Variants in AMIGO3 observed in about 807,000 individuals in gnomAD.
AMIGO3 encodes adhesion molecule with Ig like domain 3.
In AMIGO3, 6 loss-of-function variants were observed where a neutral mutation model predicts 4.3. That is an observed-to-expected ratio of 1.39 (90% CI 0.76 to 2.75). The LOEUF is 2.75. AMIGO3 is among the 30% of genes most tolerant of loss of function. The pLI is 0.00. For synonymous variants in AMIGO3, 315 were observed against 320.0 expected (o/e 0.98, Z 0.17); for missense variants, 771 against 692.1 (o/e 1.11, Z -1.28).
In AMIGO3 at chr3:49,718,242, G is replaced by A; in HGVS notation, c.1224C>T (p.Arg408=). ...GGCAGCGGCAGGCACGGCGGCAGCA[G>A]CGGCAGGGTGGGGCGAACAGGTAGA... The part of the protein sequence containing the change: ...VLLYLFAPPC[R]CCRRACRCRR... The change falls in exon 1 of 1, where the codon CGC becomes CGT. Residue 408 remains arginine, a synonymous_variant. Transcript: ENST00000320431. 6.2e-7 allele frequency: 1 copy of A among 1,612,092 alleles called. No homozygotes were observed. Among genetic ancestry groups the A allele is most frequent in the Non-Finnish European group, 8.5e-7 (1 of 1,179,462 alleles).
Position 49,717,939 on chromosome 3 carries a change from G to C in AMIGO3, c.*12C>G, listed in dbSNP as rs540461871. On this transcript the variant is annotated 3_prime_UTR_variant, in exon 1 of 1. Coordinates refer to ENST00000320431, the MANE Select transcript of AMIGO3 (RefSeq NM_198722.3). ...AGAGGGTGGGGGCCTGGGTGGGGGAGCCCTGGGCAGTCTAGGTTGTCATGG... is the reference window on the plus strand; with the variant it reads ...AGAGGGTGGGGGCCTGGGTGGGGGACCCCTGGGCAGTCTAGGTTGTCATGG... The C allele has an allele frequency of 1.2e-6, 2 of 1,606,182 alleles. No homozygotes were observed. The highest frequency in any genetic ancestry group is 2.2e-5 in the East Asian group (1 of 44,792).
Position 49,719,402 on chromosome 3 carries a change from C to T in AMIGO3, c.64G>A (p.Asp22Asn). ...GCACGGGGCGGGAAACCCTCGGAGT[C>T]CGGGGTGCCTAACCCAACGCGCAGC... ...CMLRVGLGTP[D>N]SEGFPPRALH... Residue 22 changes from aspartate (D) to asparagine (N), a missense_variant, in exon 1 of 1, where the codon GAC becomes AAC. Coordinates refer to ENST00000320431, the MANE Select transcript of AMIGO3 (RefSeq NM_198722.3). 11 of 1,613,632 alleles carry T rather than the reference C, an allele frequency of 6.8e-6. No individual in the cohort carries two copies. The highest frequency in any genetic ancestry group is 9.3e-6 in the Non-Finnish European group (11 of 1,180,032).
Position 49,717,859 on chromosome 3 carries a change from T to G in AMIGO3, c.*92A>C. ...AAGCTGGGGGGCCAGGCACAGTGCT[T>G]CCCACCAGTATCTGCCAGTTCTCTG... On this transcript the variant is annotated 3_prime_UTR_variant, in exon 1 of 1. Transcript: ENST00000320431. 7.2e-7 allele frequency: 1 copy of G among 1,392,460 alleles called. No homozygotes were observed. Among genetic ancestry groups the G allele is most frequent in the Non-Finnish European group, 9.7e-7 (1 of 1,028,218 alleles). 86.3% of individuals were successfully genotyped at this position (1,392,460 alleles called of 1,614,324 possible).
rs34810303 is a variant in AMIGO3 at position 49,718,533 on chromosome 3, C to T, written c.933G>A (p.Trp311Ter). Residue 311 changes from tryptophan (W) to a stop codon, truncating the protein, a stop_gained, in exon 1 of 1, where the codon TGG becomes TGA. Transcript: ENST00000320431. LOFTEE classifies it low-confidence loss of function (END_TRUNC). The stretch of plus-strand genomic sequence containing the variant: ...TGAGAAGCTCCTGCTGCGGCGAAAC[C>T]CAGGCAATGCGCATGGCCGGGACGC... ...NTSVPAMRIA[W>*]VSPQQELLRA... 4 of 1,613,066 alleles carry T rather than the reference C, an allele frequency of 2.5e-6. No individual in the cohort carries two copies. The highest frequency in any genetic ancestry group is 1.6e-4 in the Middle Eastern group (1 of 6,076).
At position 49,718,251 on chromosome 3, in the gene AMIGO3, TGGG is replaced by T; in HGVS notation, c.1212_1214del (p.Pro406del). On this transcript the variant is annotated inframe_deletion, in exon 1 of 1. Coordinates refer to ENST00000320431, the MANE Select transcript of AMIGO3 (RefSeq NM_198722.3). ...AGGCACGGCGGCAGCAGCGGCAGGG[TGGG>T]GCGAACAGGTAGAGCAGCACGAGCA... The T allele has an allele frequency of 3.1e-6, 5 of 1,608,370 alleles. No individual in the cohort carries two copies. The highest frequency in any genetic ancestry group is 4.2e-6 in the Non-Finnish European group (5 of 1,178,736).
Position 49,716,848 on chromosome 3 carries a change from C to A in AMIGO3, c.*1103G>T. 1 of 208,886 alleles carries A rather than the reference C, an allele frequency of 4.8e-6. No individual in the cohort carries two copies. Among genetic ancestry groups the A allele is most frequent in the Non-Finnish European group, 9.8e-6 (1 of 101,932 alleles). The allele number at this position is 208,886 out of a possible 1,614,324, so 12.9% of individuals were successfully genotyped here. A position where few individuals can be genotyped will look rare whatever the true frequency, so the allele number is the denominator to read the frequency against. ...CCGCCATTGTCTGCAAAGGCTCTAG[C>A]AATAAGCATGTGCTACCTTTATTAA... On this transcript the variant is annotated 3_prime_UTR_variant, in exon 1 of 1. Coordinates refer to ENST00000320431, the MANE Select transcript of AMIGO3 (RefSeq NM_198722.3).
At position 49,719,352 on chromosome 3, in the gene AMIGO3, A is replaced by G. The variant is rs185704507; in HGVS notation, c.114T>C (p.Cys38=). 23 of 1,613,486 alleles carry G rather than the reference A, an allele frequency of 1.4e-5. No homozygotes were observed. Among genetic ancestry groups the G allele is most frequent in the Middle Eastern group, 3.4e-4 (2 of 5,822 alleles). Residue 38 remains cysteine, a synonymous_variant, in exon 1 of 1, where the codon TGT becomes TGC. Coordinates refer to ENST00000320431, the MANE Select transcript of AMIGO3 (RefSeq NM_198722.3). The stretch of plus-strand genomic sequence containing the variant: ...AGCTTAGCAGGTCGGCAGCGCAGAT[A>G]CATTTGTAGGGGCAGTTGTGGAGCG... The part of the protein sequence containing the change: ...PRALHNCPYK[C]ICAADLLSCT...
chr3:49,718,188 G>C lies in AMIGO3; in HGVS notation c.1278C>G (p.Leu426=). Reference sequence around the variant, plus strand: ...CTGAGGACTGTGCGCTCAGCTCTTGGAGCGGGCTGGGTGTTTGGGGCCAGC... The same window carrying C: ...CTGAGGACTGTGCGCTCAGCTCTTGCAGCGGGCTGGGTGTTTGGGGCCAGC... ...CRRWPQTPSP[L]QELSAQSSVL... Residue 426 remains leucine, a synonymous_variant, in exon 1 of 1, where the codon CTC becomes CTG. Transcript: ENST00000320431. 1.2e-6 allele frequency: 2 copies of C among 1,613,072 alleles called. No homozygotes were observed. The highest frequency in any genetic ancestry group is 1.7e-6 in the Non-Finnish European group (2 of 1,179,942).
chr3:49,719,497 C>T lies in AMIGO3; in HGVS notation c.-32G>A, dbSNP rs371862537. 5 of 1,558,052 alleles carry T rather than the reference C, an allele frequency of 3.2e-6. No homozygotes were observed. The highest frequency in any genetic ancestry group is 1.8e-5 in the Admixed American group (1 of 54,274). ...GACCACCAGGGACAGTACAGAGCAG[C>T]TCTGTGCAGGTTGCAGTTCCAGGAC... On this transcript the variant is annotated 5_prime_UTR_variant, in exon 1 of 1. Transcript: ENST00000320431.
In AMIGO3 at chr3:49,719,462, TCATGGCGGCGAC is replaced by T. The variant is rs1180850418; in HGVS notation, c.-9_3del. 2 of 1,610,176 alleles carry T rather than the reference TCATGGCGGCGAC, an allele frequency of 1.2e-6. No individual in the cohort carries two copies. The highest frequency in any genetic ancestry group is 1.7e-6 in the Non-Finnish European group (2 of 1,178,564). ...AGTGTCCCCAGCAGCACCAACCAGG[TCATGGCGGCGAC>T]CACCAGGGACAGTACAGAGCAGCTC... On this transcript the variant is annotated start_lost and 5_prime_UTR_variant, in exon 1 of 1. Transcript: ENST00000320431.
rs1238757379 is a variant in AMIGO3, at chr3:49,718,310, T to C, written c.1156A>G (p.Thr386Ala). ...PEPEAFNTGF[T>A]TLLGCAVGLV... ...CCCACGGCACAGCCCAGCAGTGTGG[T>C]GAAGCCTGTGTTGAAAGCCTCGGGC... Residue 386 changes from threonine (T) to alanine (A), a missense_variant, in exon 1 of 1, where the codon ACC becomes GCC. By Grantham distance (58) the Thr-to-Ala change is moderately conservative. Transcript: ENST00000320431. 1.9e-6 allele frequency: 3 copies of C among 1,613,086 alleles called. No individual in the cohort carries two copies.
In AMIGO3 at chr3:49,717,165, CTG is replaced by C. The variant is rs1167309453; in HGVS notation, c.*784_*785del. 2.0e-5 allele frequency: 3 copies of C among 153,488 alleles called. No homozygotes were observed. The highest frequency in any genetic ancestry group is 7.2e-5 in the African/African-American group (3 of 41,592). 9.5% of individuals were successfully genotyped at this position (153,488 alleles called of 1,614,324 possible). A position where few individuals can be genotyped will look rare whatever the true frequency, so the allele number is the denominator to read the frequency against. Reference sequence around the variant, plus strand: ...GGGGTGCAGGCCATGATCCCCTTCACTGTGTCTTGTGAGCCCACAGAATGGGC... The same window carrying C: ...GGGGTGCAGGCCATGATCCCCTTCACTGTCTTGTGAGCCCACAGAATGGGC... On this transcript the variant is annotated 3_prime_UTR_variant, in exon 1 of 1. Transcript: ENST00000320431.
rs567942433 is a variant in AMIGO3, at chr3:49,719,584, G to T, written c.-119C>A. The T allele has an allele frequency of 3.3e-6, 3 of 912,742 alleles. No homozygotes were observed. The African/African-American group carries it at 5.1e-5, about 15-fold the overall frequency. The allele number at this position is 912,742 out of a possible 1,614,324, so 56.5% of individuals were successfully genotyped here. A position where few individuals can be genotyped will look rare whatever the true frequency, so the allele number is the denominator to read the frequency against. On this transcript the variant is annotated 5_prime_UTR_variant, in exon 1 of 1. Transcript: ENST00000320431. Reference sequence around the variant, plus strand: ...CGGATGGCCCTTGCCGAGGAGGCACGGCGGGTTCTTGCCAGCCGACGGCCC... The same window carrying T: ...CGGATGGCCCTTGCCGAGGAGGCACTGCGGGTTCTTGCCAGCCGACGGCCC...
Position 49,717,866 on chromosome 3 carries a change from A to T in AMIGO3, c.*85T>A. On this transcript the variant is annotated 3_prime_UTR_variant, in exon 1 of 1. Transcript: ENST00000320431. The stretch of plus-strand genomic sequence containing the variant: ...GGGGCCAGGCACAGTGCTTCCCACC[A>T]GTATCTGCCAGTTCTCTGGACCGAA... The T allele has an allele frequency of 1.4e-6, 2 of 1,428,520 alleles. No homozygotes were observed. Among genetic ancestry groups the T allele is most frequent in the Non-Finnish European group, 9.4e-7 (1 of 1,058,380 alleles). The allele number at this position is 1,428,520 out of a possible 1,614,324, so 88.5% of individuals were successfully genotyped here.
Position 49,719,640 on chromosome 3 carries a change from T to C in AMIGO3, c.-175A>G, listed in dbSNP as rs558600304. 1 of 602,996 alleles carries C rather than the reference T, an allele frequency of 1.7e-6. No individual in the cohort carries two copies. Among genetic ancestry groups the C allele is most frequent in the South Asian group, 2.1e-5 (1 of 46,928 alleles). 37.4% of individuals were successfully genotyped at this position (602,996 alleles called of 1,614,324 possible). ...CTCCGGTTCCCAGGTTGTGAGGCGGTGCGGCACTCTTAGCCGCGCTCCCTT... is the reference window on the plus strand; with the variant it reads ...CTCCGGTTCCCAGGTTGTGAGGCGGCGCGGCACTCTTAGCCGCGCTCCCTT... On this transcript the variant is annotated 5_prime_UTR_variant, in exon 1 of 1. Transcript: ENST00000320431.
Position 49,718,227 on chromosome 3 carries a change from G to A in AMIGO3, c.1239C>T (p.Ala413=), listed in dbSNP as rs1332693005. 1.9e-6 allele frequency: 3 copies of A among 1,611,766 alleles called. No homozygotes were observed. The highest frequency in any genetic ancestry group is 2.5e-6 in the Non-Finnish European group (3 of 1,179,470). Reference sequence around the variant, plus strand: ...TTTGGGGCCAGCGGCGGCAGCGGCAGGCACGGCGGCAGCAGCGGCAGGGTG... The same window carrying A: ...TTTGGGGCCAGCGGCGGCAGCGGCAAGCACGGCGGCAGCAGCGGCAGGGTG... ...FAPPCRCCRR[A]CRCRRWPQTP... The change falls in exon 1 of 1, where the codon GCC becomes GCT. Residue 413 remains alanine, a synonymous_variant. Coordinates refer to ENST00000320431, the MANE Select transcript of AMIGO3 (RefSeq NM_198722.3).
chr3:49,718,208 G>A lies in AMIGO3; in HGVS notation c.1258C>T (p.Pro420Ser). ...TCTTGGAGCGGGCTGGGTGTTTGGG[G>A]CCAGCGGCGGCAGCGGCAGGCACGG... ...CRRACRCRRW[P>S]QTPSPLQELS... Residue 420 changes from proline to serine, a missense_variant, in exon 1 of 1, where the codon CCC (proline) becomes TCC (serine). Pro to Ser is a moderately conservative substitution (Grantham distance 74). Transcript: ENST00000320431. The A allele has an allele frequency of 6.2e-7, 1 of 1,612,382 alleles. No individual in the cohort carries two copies. The highest frequency in any genetic ancestry group is 8.5e-7 in the Non-Finnish European group (1 of 1,179,572).
chr3:49,718,588 C>A lies in AMIGO3; in HGVS notation c.878G>T (p.Gly293Val). 1 of 1,613,024 alleles carries A rather than the reference C, an allele frequency of 6.2e-7. No individual in the cohort carries two copies. Among genetic ancestry groups the A allele is most frequent in the Non-Finnish European group, 8.5e-7 (1 of 1,179,960 alleles). Residue 293 changes from glycine to valine, a missense_variant, in exon 1 of 1, where the codon GGT (glycine) becomes GTT (valine). Transcript: ENST00000320431. Reference protein sequence around the residue: ...RPEEHLYALVGRSLRLYCNTS... With the variant: ...RPEEHLYALVVRSLRLYCNTS... ...GTTGCAGTAAAGCCTCAGGGACCGA[C>A]CCACCAGCGCGTACAGGTGCTCTTC...
At position 49,719,586 on chromosome 3, in the gene AMIGO3, C is replaced by A; in HGVS notation, c.-121G>T. 1.2e-6 allele frequency: 1 copy of A among 868,604 alleles called. No homozygotes were observed. Among genetic ancestry groups the A allele is most frequent in the South Asian group, 1.7e-5 (1 of 57,372 alleles). The allele number at this position is 868,604 out of a possible 1,614,324, so 53.8% of individuals were successfully genotyped here. ...GATGGCCCTTGCCGAGGAGGCACGGCGGGTTCTTGCCAGCCGACGGCCCCT... is the reference window on the plus strand; with the variant it reads ...GATGGCCCTTGCCGAGGAGGCACGGAGGGTTCTTGCCAGCCGACGGCCCCT... On this transcript the variant is annotated 5_prime_UTR_variant, in exon 1 of 1. Transcript: ENST00000320431.
Sources: allele counts gnomAD v4.1 joint callset, GRCh38; gene constraint gnomAD v4.1.1; transcripts MANE v1.5; gene names NCBI Gene and HGNC (gene_info 2026-07-23, HGNC 2026-07-21).